Variants in NTRK3 observed in about 807,000 individuals in gnomAD.
NTRK3 encodes neurotrophic receptor tyrosine kinase 3, also known as NT-3 growth factor receptor.
A neutral mutation model predicts 91.7 loss-of-function variants in NTRK3; 24 were observed. The observed-to-expected ratio is 0.26, with a 90% CI of 0.19 to 0.37. The LOEUF (loss-of-function observed/expected upper bound fraction) is 0.37, where lower values mean the gene tolerates loss of function less well. NTRK3 is among the 10% of genes least tolerant of loss of function. The pLI is 1.00. For missense variants in NTRK3, 880 were observed against 1,068.9 expected (o/e 0.82, Z 2.46); for synonymous variants, 483 against 404.0 (o/e 1.20, Z -2.34).
intron 14 of NTRK3, among the ~76,000 whole-genome samples, chr15:88,027,470 C>A (rs190641218): frequency 2.4e-4 from 37 of 152,318 alleles, no homozygotes; most frequent in African/African-American, 8.2e-4. Flanking sequence ...GCAAGCTCCG[C>A]CTCTCGGGTT....
At chr15:88,015,908 C>A (rs374662215) in intron 14 of NTRK3, among the ~76,000 whole-genome samples, 1 of 151,570 alleles carries the variant, frequency 6.6e-6, no homozygotes, top group African/African-American at 2.4e-5. Flanking sequence ...ATAGCCTGGC[C>A]ACGTATTATG....
intron 14 of NTRK3, among the ~76,000 whole-genome samples, chr15:88,023,589 T>C (rs2077768379): frequency 6.6e-6 from 1 of 152,144 alleles, no homozygotes; most frequent in Non-Finnish European, 1.5e-5. Flanking sequence ...ACTGTCAAGA[T>C]CCAACCAGGA....
chr15:88,136,608 G>T (rs200853661), exon 8 of NTRK3: 5 of 1,612,302 alleles, frequency 3.1e-6, no homozygotes, highest in Non-Finnish European at 2.5e-6. Flanking sequence ...TCTCAGGAAG[G>T]TCTGGGAGCC....
chr15:87,924,364 G>C (rs1446902044), intron 17 of NTRK3, among the ~76,000 whole-genome samples: 3 of 152,078 alleles, frequency 2.0e-5, no homozygotes, highest in Non-Finnish European at 4.4e-5. Context: ...TACTGTTACT[G>C]TCTTTCTAGG....
chr15:88,170,481 T>C (rs2045403366), intron 5 of NTRK3, among the ~76,000 whole-genome samples: 1 of 152,230 alleles, frequency 6.6e-6, no homozygotes, highest in South Asian at 2.1e-4. Context: ...TCTATGTTTG[T>C]CAAAGTCCTT....
chr15:88,232,681 C>G (rs2051314715), intron 3 of NTRK3, among the ~76,000 whole-genome samples: 1 of 152,162 alleles, frequency 6.6e-6, no homozygotes, highest in Admixed American at 6.5e-5. Flanking sequence ...TTGCAGTAAA[C>G]TGAACCAAAG....
chr15:88,096,364 C>T (rs900453527), intron 13 of NTRK3, among the ~76,000 whole-genome samples: 3 of 152,122 alleles, frequency 2.0e-5, no homozygotes, highest in Non-Finnish European at 4.4e-5. Context: ...ACTGAATCAC[C>T]CACGATGACT....
intron 17 of NTRK3, among the ~76,000 whole-genome samples, chr15:87,882,931 G>A (rs7179758): frequency 7.9e-5 from 12 of 151,892 alleles, no homozygotes; most frequent in African/African-American, 2.4e-4. Context: ...GTACAAATGA[G>A]TTATATCACC....
chr15:88,044,559 C>A (rs1175744558), intron 13 of NTRK3, among the ~76,000 whole-genome samples: 1 of 147,440 alleles, frequency 6.8e-6, no homozygotes, highest in Non-Finnish European at 1.5e-5. Flanking sequence ...CCACGCCTGG[C>A]CCACCACACC....
intron 17 of NTRK3, among the ~76,000 whole-genome samples, chr15:87,902,340 G>A (rs965862147): frequency 6.6e-6 from 1 of 152,194 alleles, no homozygotes; most frequent in Non-Finnish European, 1.5e-5. Context: ...CCTCCCTGAC[G>A]AGGACAAGCC....
At chr15:87,970,205 A>T (rs1007150294) in intron 14 of NTRK3, among the ~76,000 whole-genome samples, 1 of 152,180 alleles carries the variant, frequency 6.6e-6, no homozygotes, top group Non-Finnish European at 1.5e-5. Context: ...GTATGCTACC[A>T]CTAGATGATG....
Position 87,957,919 on chromosome 15 carries a change from A to G in NTRK3, c.1586-17166T>C, listed in dbSNP as rs200720351. The stretch of plus-strand genomic sequence containing the variant: ...TAAATTGCTCTGGACCTTAGAGTGT[A>G]GTGGCTGAATTCCTCCGAGGAGAGG... On this transcript the variant is annotated intron_variant, in intron 14 of 18. Transcript: ENST00000394480. Among the ~76,000 whole-genome samples the G allele has an allele frequency of 2.5e-4, 38 of 152,322 alleles. 1 individual carries two copies. The East Asian group carries it at 6.6e-3, about 26-fold the overall frequency.
Position 88,256,326 on chromosome 15 carries a change from T to C in NTRK3, c.-58A>G, listed in dbSNP as rs1465344988. The C allele has an allele frequency of 1.1e-5, 7 of 657,432 alleles. No individual in the cohort carries two copies. In the East Asian group the frequency reaches 1.9e-4, roughly 18 times the overall value. 40.7% of individuals were successfully genotyped at this position (657,432 alleles called of 1,614,324 possible). A position where few individuals can be genotyped will look rare whatever the true frequency, so the allele number is the denominator to read the frequency against. On this transcript the variant is annotated 5_prime_UTR_variant, in exon 2 of 19. Transcript: ENST00000394480. ...ATCAGATGCAAAATCCTTCAGCGTC[T>C]GAAACCATCGCGGACGCCGCCGCCG...
chr15:87,900,193 T>C (rs1339508619), intron 17 of NTRK3, among the ~76,000 whole-genome samples: 1 of 152,166 alleles, frequency 6.6e-6, no homozygotes, highest in Non-Finnish European at 1.5e-5. Flanking sequence ...CAAAGCACTC[T>C]GGGAACTGCA....
Position 88,127,242 on chromosome 15 carries a change from A to G in NTRK3, c.1229-16T>C, listed in dbSNP as rs770448043. ...ACTTCGTCAACTGAAAACCAAACAC[A>G]AAAAGGAGGAGGACAGTTAGCTTCC... On this transcript the variant is annotated splice_polypyrimidine_tract_variant and intron_variant, in intron 11 of 18. Transcript: ENST00000394480. 20 of 1,612,308 alleles carry G rather than the reference A, an allele frequency of 1.2e-5. No individual in the cohort carries two copies. In the South Asian group the frequency reaches 2.0e-4, roughly 16 times the overall value.
At chr15:88,119,812 A>G (rs1305980279) in intron 13 of NTRK3, among the ~76,000 whole-genome samples, 1 of 152,208 alleles carries the variant, frequency 6.6e-6, no homozygotes, top group African/African-American at 2.4e-5. Context: ...CCCCTGCTAA[A>G]TGTAGTCAAA....
intron 13 of NTRK3, among the ~76,000 whole-genome samples, chr15:88,111,767 C>T (rs773999585): frequency 3.3e-5 from 5 of 152,046 alleles, no homozygotes; most frequent in African/African-American, 4.8e-5. Context: ...ATGATAATAT[C>T]GATTTAAAGG....
intron 13 of NTRK3, among the ~76,000 whole-genome samples, chr15:88,111,596 T>A (rs2051361792): frequency 6.6e-6 from 1 of 152,100 alleles, no homozygotes; most frequent in South Asian, 2.1e-4. Flanking sequence ...GGATGGGGAC[T>A]CCCTAAGGTT....
At chr15:88,052,419 C>G (rs1187239050) in intron 13 of NTRK3, among the ~76,000 whole-genome samples, 1 of 152,204 alleles carries the variant, frequency 6.6e-6, no homozygotes, top group African/African-American at 2.4e-5. Context: ...CCTGGTCAGT[C>G]AGACCGAAAA....
Sources: allele counts gnomAD v4.1 joint callset (sites outside exome capture counted in the v4.1 genomes callset), GRCh38; gene constraint gnomAD v4.1.1; transcripts MANE v1.5; gene names NCBI Gene and HGNC (gene_info 2026-07-23, HGNC 2026-07-21).